Variants in COL5A1 observed in about 807,000 individuals in gnomAD.
The protein encoded by COL5A1 is collagen type V alpha 1 chain, also known as collagen alpha-1(V) chain.
Under a neutral mutation model 263.7 loss-of-function variants are expected in COL5A1, and 16 were observed. That is an observed-to-expected ratio of 0.06 (90% CI 0.04 to 0.09). The LOEUF (loss-of-function observed/expected upper bound fraction) is 0.09, where lower values mean the gene tolerates loss of function less well. Among genes scored for constraint, COL5A1 ranks in the 10% least tolerant of loss-of-function variants. The probability of loss-of-function intolerance (pLI) is 1.00; values close to 1 mark genes in which losing one functional copy is unlikely to be tolerated. For synonymous variants in COL5A1, 1,012 were observed against 1,004.5 expected, an observed-to-expected ratio of 1.01 and a Z score of -0.14; for missense variants, 2,036 against 2,540.5, an observed-to-expected ratio of 0.80 and a Z score of 4.27.
At chr9:134,822,264 A>C in intron 59 of COL5A1, 114 bp downstream of exon 59, 1 of 895,792 alleles carries the variant, frequency 1.1e-6, no homozygotes, top group South Asian at 1.5e-5. Context: ...GAGAAGCTGG[A>C]ATTGGGGCCT....
chr9:134,797,758 C>T lies in COL5A1; in HGVS notation c.2899-650C>T, dbSNP rs189717368. Among the ~76,000 whole-genome samples the T allele has an allele frequency of 1.2e-3, 178 of 152,320 alleles. 1 individual carries two copies. Among genetic ancestry groups the T allele is most frequent in the African/African-American group, 4.2e-3 (175 of 41,570 alleles). Reference sequence around the variant, plus strand: ...TCGGCCTCCCAAAGTGCTGGGATTACAGCCACCGTGCCCGGAGCCCCCACG... The same window carrying T: ...TCGGCCTCCCAAAGTGCTGGGATTATAGCCACCGTGCCCGGAGCCCCCACG... On this transcript the variant is annotated intron_variant, in intron 36 of 65. Transcript: ENST00000371817.
intron 42 of COL5A1, 72 bp downstream of exon 42, chr9:134,806,368 C>T (rs998372491): frequency 1.9e-4 from 208 of 1,122,044 alleles, no homozygotes; most frequent in Non-Finnish European, 1.4e-4. Flanking sequence ...TGGCCTTGTC[C>T]CTCCCCCTGT....
intron 4 of COL5A1, among the ~76,000 whole-genome samples, chr9:134,712,042 C>CCTCCTTCTTCCTGGT (rs1554784028): frequency 4.6e-5 from 4 of 86,282 alleles, no homozygotes; most frequent in Admixed American, 1.2e-4. Flanking sequence ...CTTCTTCCTG[C>CCTCCTTCTTCCTGGT]CCCCTTCTTC....
chr9:134,656,311 C>T (rs1831970240), intron 1 of COL5A1, among the ~76,000 whole-genome samples: 1 of 152,158 alleles, frequency 6.6e-6, no homozygotes, highest in South Asian at 2.1e-4. Flanking sequence ...CAGAGCCTGT[C>T]CCTATCACCA....
chr9:134,674,477 A>ACTCCTG (rs1364381137), intron 1 of COL5A1, among the ~76,000 whole-genome samples: 1 of 151,386 alleles, frequency 6.6e-6, no homozygotes. Context: ...ACATAAGGGA[A>ACTCCTG]CTCCTGGGGG....
intron 29 of COL5A1, among the ~76,000 whole-genome samples, chr9:134,783,635 T>C (rs1837343582): frequency 6.6e-6 from 1 of 151,838 alleles, no homozygotes; most frequent in Admixed American, 6.5e-5. Context: ...GCCGCAGTCA[T>C]CCCCCTGCAG....
chr9:134,749,261 C>T (rs770427600), intron 11 of COL5A1, among the ~76,000 whole-genome samples: 6 of 152,144 alleles, frequency 3.9e-5, no homozygotes, highest in Non-Finnish European at 7.3e-5. Flanking sequence ...AACAAAACTC[C>T]GAAGCCACAC....
chr9:134,738,341 G>C, intron 9 of COL5A1, 133 bp from the exon 10 acceptor site: 1 of 969,282 alleles, frequency 1.0e-6, no homozygotes, highest in South Asian at 1.5e-5. Flanking sequence ...GTCTGTGCTC[G>C]TGACTCCCCA....
intron 38 of COL5A1, 108 bp downstream of exon 38, chr9:134,802,115 G>A: frequency 9.0e-7 from 1 of 1,108,624 alleles, no homozygotes; most frequent in Non-Finnish European, 1.4e-6. Flanking sequence ...GGAGGTGCAG[G>A]TACTGCTGAG....
intron 1 of COL5A1, among the ~76,000 whole-genome samples, chr9:134,668,156 A>G (rs1832415311): frequency 6.6e-6 from 1 of 152,206 alleles, no homozygotes; most frequent in African/African-American, 2.4e-5. Flanking sequence ...AGATCTTGTG[A>G]TCCATGTGGA....
intron 1 of COL5A1, among the ~76,000 whole-genome samples, chr9:134,674,128 C>T (rs1281800467): frequency 1.3e-5 from 2 of 152,194 alleles, no homozygotes; most frequent in African/African-American, 4.8e-5. Context: ...AAGATTAGCC[C>T]TTCCTTTACC....
At chr9:134,816,125 G>A (rs1838735777) in intron 52 of COL5A1, 137 bp downstream of exon 52, 2 of 817,068 alleles carry the variant, frequency 2.4e-6, no homozygotes, top group African/African-American at 1.7e-5. Context: ...ATTCCCTTAT[G>A]ATATTGATTC....
At chr9:134,773,279 G>A (rs906818246) in intron 26 of COL5A1, among the ~76,000 whole-genome samples, 1 of 152,220 alleles carries the variant, frequency 6.6e-6, no homozygotes, top group Non-Finnish European at 1.5e-5. Flanking sequence ...CACTGTGAGC[G>A]GCTTGTGGTT....
intron 6 of COL5A1, 87 bp downstream of exon 6, chr9:134,728,894 G>A (rs530570512): frequency 6.4e-7 from 1 of 1,565,490 alleles, no homozygotes; most frequent in East Asian, 2.3e-5. Flanking sequence ...GTTGTGTCAG[G>A]GTAGAGGGTT....
Position 134,682,111 on chromosome 9 carries a change from C to T in COL5A1, c.110-8801C>T, listed in dbSNP as rs1020679589. On this transcript the variant is annotated intron_variant, in intron 1 of 65. Coordinates refer to ENST00000371817, the MANE Select transcript of COL5A1 (RefSeq NM_000093.5). This position sits in a 1 kb window ranked among gnomAD's most constrained non-coding sequence, Gnocchi z 5.1. The stretch of plus-strand genomic sequence containing the variant: ...GTGGCCTGGGCTCAGTGTCTGGGAC[C>T]GTGGTGCTGAGTGTTTGGCGGTGAC... 2.6e-5 allele frequency among the ~76,000 whole-genome samples: 4 copies of T among 152,208 alleles called. No homozygotes were observed. Among genetic ancestry groups the T allele is most frequent in the Non-Finnish European group, 4.4e-5 (3 of 68,038 alleles).
intron 11 of COL5A1, among the ~76,000 whole-genome samples, chr9:134,745,868 G>A (rs1835491746): frequency 6.6e-6 from 1 of 152,118 alleles, no homozygotes; most frequent in Admixed American, 6.5e-5. Flanking sequence ...CTGGCTCCTG[G>A]TGGCCACTGG....
chr9:134,799,502 A>G (rs1418085407), intron 37 of COL5A1, among the ~76,000 whole-genome samples: 1 of 152,214 alleles, frequency 6.6e-6, no homozygotes, highest in Non-Finnish European at 1.5e-5. Context: ...GGGGCATGCC[A>G]GGATCACTGC....
At chr9:134,721,465 ACTGGACTAGCCAC>A (rs1201228192) in intron 4 of COL5A1, among the ~76,000 whole-genome samples, 3 of 151,998 alleles carry the variant, frequency 2.0e-5, no homozygotes, top group Non-Finnish European at 4.4e-5. Flanking sequence ...TGCTCTGAAC[ACTGGACTAGCCAC>A]CAACCCACAG....
rs981751390 is a variant in COL5A1 at position 134,760,670 on chromosome 9, A to G, written c.1936-1255A>G. Among the ~76,000 whole-genome samples the G allele has an allele frequency of 3.0e-5, 3 of 99,342 alleles. 1 individual carries two copies. Among genetic ancestry groups the G allele is most frequent in the African/African-American group, 9.5e-5 (2 of 20,958 alleles). The allele number at this position is 99,342 out of a possible 152,430, so 65.2% of individuals were successfully genotyped here. ...ACTCATGCACACACACACACCACACATGCACACCCCCCACACTCATACATG... is the reference window on the plus strand; with the variant it reads ...ACTCATGCACACACACACACCACACGTGCACACCCCCCACACTCATACATG... On this transcript the variant is annotated intron_variant, in intron 18 of 65. Transcript: ENST00000371817.
Sources: allele counts gnomAD v4.1 joint callset (sites outside exome capture counted in the v4.1 genomes callset), GRCh38; gene constraint gnomAD v4.1.1; non-coding constraint Gnocchi (gnomAD v3.1); transcripts MANE v1.5; gene names NCBI Gene and HGNC (gene_info 2026-07-23, HGNC 2026-07-21).